Variants in SLC8A3 observed in about 807,000 individuals in gnomAD.
The protein encoded by SLC8A3 is solute carrier family 8 member A3, also known as sodium/calcium exchanger 3.
SLC8A3 carries 37 observed loss-of-function variants against 65.4 expected under a neutral mutation model. The ratio of observed to expected loss-of-function variants is 0.57; its 90% CI spans 0.44 to 0.74. The LOEUF is 0.74. Ranked by LOEUF, SLC8A3 falls within the 30% of genes least tolerant of loss-of-function variation. SLC8A3 has a pLI of 0.00. For synonymous variants in SLC8A3, 461 were observed against 444.5 expected (o/e 1.04, Z -0.47); for missense variants, 1,112 against 1,172.1 (o/e 0.95, Z 0.75).
chr14:70,115,923 A>C (rs1179106784), intron 2 of SLC8A3, among the ~76,000 whole-genome samples: 1 of 152,208 alleles, frequency 6.6e-6, no homozygotes, highest in African/African-American at 2.4e-5. Context: ...GAAGAAGCGG[A>C]GGTCCTATGC....
At chr14:70,120,014 T>A (rs1893942670) in intron 2 of SLC8A3, among the ~76,000 whole-genome samples, 1 of 152,198 alleles carries the variant, frequency 6.6e-6, no homozygotes, top group African/African-American at 2.4e-5. Context: ...GTGTCAATGC[T>A]AGGCTAGGTG....
chr14:70,067,482 C>A (rs1376908039), intron 2 of SLC8A3, among the ~76,000 whole-genome samples: 1 of 152,210 alleles, frequency 6.6e-6, no homozygotes, highest in Non-Finnish European at 1.5e-5. Flanking sequence ...TCTTGTCTAT[C>A]TGACTTGCTA....
intron 2 of SLC8A3, 25 bp downstream of exon 2, chr14:70,166,614 G>T: frequency 7.5e-7 from 1 of 1,330,588 alleles, no homozygotes; most frequent in Non-Finnish European, 1.1e-6. Flanking sequence ...GTCAGGGAGG[G>T]GCAGAATACA....
chr14:70,140,230 A>G (rs17765304), intron 2 of SLC8A3, among the ~76,000 whole-genome samples: 1 of 152,106 alleles, frequency 6.6e-6, no homozygotes, highest in African/African-American at 2.4e-5. Context: ...CTTTCGGAGA[A>G]AATGAGTGGA....
intron 3 of SLC8A3, among the ~76,000 whole-genome samples, chr14:70,055,349 CA>C (rs1887976060): frequency 6.6e-6 from 1 of 152,158 alleles, no homozygotes; most frequent in African/African-American, 2.4e-5. Flanking sequence ...CCTATTCTCA[CA>C]ACAGGTTTGG....
chr14:70,060,223 A>G (rs1888628763), intron 3 of SLC8A3: 1 of 178,108 alleles, frequency 5.6e-6, no homozygotes, highest in Admixed American at 5.7e-5. Context: ...GGGCCACTCC[A>G]CAAGTGAATA....
At chr14:70,093,889 T>C (rs1238065903) in intron 2 of SLC8A3, among the ~76,000 whole-genome samples, 1 of 152,328 alleles carries the variant, frequency 6.6e-6, no homozygotes, top group African/African-American at 2.4e-5. Flanking sequence ...CCCTAGCTCA[T>C]GAGTTGGGCT....
chr14:70,169,279 C>T (rs770333024), intron 1 of SLC8A3, among the ~76,000 whole-genome samples: 6 of 152,068 alleles, frequency 3.9e-5, no homozygotes, highest in Non-Finnish European at 7.4e-5. Flanking sequence ...TGCCACCCAC[C>T]CCATAGCCAA....
chr14:70,064,153 G>T (rs1011904377), intron 2 of SLC8A3, among the ~76,000 whole-genome samples: 1 of 152,174 alleles, frequency 6.6e-6, no homozygotes, highest in African/African-American at 2.4e-5. Flanking sequence ...CATATTTGAA[G>T]ACTGAAAAGA....
chr14:70,093,676 G>A (rs1891954622), intron 2 of SLC8A3, among the ~76,000 whole-genome samples: 1 of 152,198 alleles, frequency 6.6e-6, no homozygotes, highest in South Asian at 2.1e-4. Flanking sequence ...CTTTGTCAAG[G>A]AGCTGGGGTG....
intron 2 of SLC8A3, among the ~76,000 whole-genome samples, chr14:70,139,178 T>C (rs1874604794): frequency 2.0e-5 from 3 of 152,008 alleles, no homozygotes; most frequent in Admixed American, 2.0e-4. Flanking sequence ...GTCTATAAAA[T>C]AGAGGAGAGA....
In SLC8A3 at chr14:70,077,620, G is replaced by A. The variant is rs548844618; in HGVS notation, c.1785-16681C>T. The stretch of plus-strand genomic sequence containing the variant: ...GTTCTCCGTGGCTGTCCAGTAGGCA[G>A]AGGTGGCAACTGAATTTACTTCCTT... On this transcript the variant is annotated intron_variant, in intron 2 of 6. Transcript: ENST00000356921. Among the ~76,000 whole-genome samples the A allele has an allele frequency of 4.6e-5, 7 of 152,306 alleles. 1 individual carries two copies. The South Asian group carries it at 1.5e-3, about 32-fold the overall frequency.
At chr14:70,070,706 G>T (rs569266636) in intron 2 of SLC8A3, among the ~76,000 whole-genome samples, 1 of 152,102 alleles carries the variant, frequency 6.6e-6, no homozygotes, top group Admixed American at 6.5e-5. Context: ...CCCCATTCCT[G>T]GTATTAAAAA....
At chr14:70,061,041 T>A in intron 2 of SLC8A3, 102 bp from the exon 3 acceptor site, 2 of 625,674 alleles carry the variant, frequency 3.2e-6, no homozygotes, top group South Asian at 4.1e-5. Flanking sequence ...TCCTGGCACA[T>A]GCAGTCCAGT....
intron 2 of SLC8A3, among the ~76,000 whole-genome samples, chr14:70,083,578 T>C (rs1376688958): frequency 6.6e-6 from 1 of 152,246 alleles, no homozygotes; most frequent in Non-Finnish European, 1.5e-5. Flanking sequence ...ACTATCAACT[T>C]CTAATCCCTG....
At chr14:70,156,772 C>T (rs990432789) in intron 2 of SLC8A3, among the ~76,000 whole-genome samples, 1 of 152,240 alleles carries the variant, frequency 6.6e-6, no homozygotes, top group South Asian at 2.1e-4. Flanking sequence ...GGAGGGAGAG[C>T]CTCAGGAGTA....
chr14:70,134,008 T>G (rs8022074), intron 2 of SLC8A3, among the ~76,000 whole-genome samples: 5,977 of 152,254 alleles, frequency 0.039, 463 homozygotes, highest in East Asian at 0.37. Context: ...CTTGCTACCT[T>G]CTAACTCCAT....
rs574511375 is a variant in SLC8A3, at chr14:70,086,395, T to C, written c.1785-25456A>G. 8.0e-5 allele frequency among the ~76,000 whole-genome samples: 9 copies of C among 112,106 alleles called. No individual in the cohort carries two copies. In the Admixed American group the frequency reaches 8.8e-4, roughly 11 times the overall value. The allele number at this position is 112,106 out of a possible 152,430, so 73.5% of individuals were successfully genotyped here. A position where few individuals can be genotyped will look rare whatever the true frequency, so the allele number is the denominator to read the frequency against. On this transcript the variant is annotated intron_variant, in intron 2 of 6. Coordinates refer to ENST00000356921, the MANE Select transcript of SLC8A3 (RefSeq NM_182932.3). ...TTCTTTCTTTTCTTTTTTCTTTTTC[T>C]TTTTTCTTTTTTTTTTTTTTTTTTG...
intron 2 of SLC8A3, among the ~76,000 whole-genome samples, chr14:70,086,832 A>T (rs1416029303): frequency 6.6e-6 from 1 of 152,134 alleles, no homozygotes; most frequent in Non-Finnish European, 1.5e-5. Flanking sequence ...TCTGCCTAAG[A>T]CCAGACATGC....
Sources: gnomAD v4.1 joint callset for allele counts (sites outside exome capture counted in the v4.1 genomes callset) on GRCh38, gnomAD v4.1.1 for gene constraint, MANE v1.5 for transcripts, NCBI Gene and HGNC (gene_info 2026-07-23, HGNC 2026-07-21) for gene names.